The following RGL1 variants were observed in gnomAD, a reference collection of about 807,000 sequenced individuals.
The protein encoded by RGL1 is ral guanine nucleotide dissociation stimulator like 1, also known as ral guanine nucleotide dissociation stimulator-like 1.
A neutral mutation model predicts 95.2 loss-of-function variants in RGL1; 24 were observed. The ratio of observed to expected loss-of-function variants is 0.25; its 90% CI spans 0.18 to 0.35. The LOEUF (loss-of-function observed/expected upper bound fraction) is 0.35, where lower values mean the gene tolerates loss of function less well. RGL1 is among the 10% of genes least tolerant of loss of function. The probability of loss-of-function intolerance (pLI) is 1.00; values close to 1 mark genes in which losing one functional copy is unlikely to be tolerated. For missense variants in RGL1, 715 were observed against 936.3 expected (o/e 0.76, Z 3.08); for synonymous variants, 329 against 344.9 (o/e 0.95, Z 0.51).
chr1:183,854,344 T>C (rs961594310), intron 3 of RGL1, among the ~76,000 whole-genome samples: 1 of 152,192 alleles, frequency 6.6e-6, no homozygotes. Flanking sequence ...CAGCTTTTCC[T>C]GAAGGGTCAG....
chr1:183,653,133 T>C (rs968634823), intron 1 of RGL1: 7 of 147,380 alleles, frequency 4.7e-5, no homozygotes, highest in African/African-American at 1.6e-4. Context: ...TCCATTTCCT[T>C]TTTTTTCTCC....
At chr1:183,845,227 A>T (rs555217361) in intron 2 of RGL1, among the ~76,000 whole-genome samples, 1 of 152,360 alleles carries the variant, frequency 6.6e-6, no homozygotes, top group Admixed American at 6.5e-5. Context: ...GATTGTTCGC[A>T]TCACTTAGGA....
At chr1:183,815,045 G>A (rs1213637357) in intron 2 of RGL1, among the ~76,000 whole-genome samples, 2 of 152,194 alleles carry the variant, frequency 1.3e-5, no homozygotes, top group Non-Finnish European at 2.9e-5. Context: ...GTCCGGATGG[G>A]TGGATCACTT....
intron 1 of RGL1, among the ~76,000 whole-genome samples, chr1:183,670,098 C>T (rs185397458): frequency 5.3e-4 from 81 of 152,210 alleles, no homozygotes; most frequent in African/African-American, 1.8e-3. Flanking sequence ...TGAGCTTATG[C>T]CCCTGAATTG....
intron 1 of RGL1, among the ~76,000 whole-genome samples, chr1:183,658,713 T>C (rs1651378045): frequency 6.6e-6 from 1 of 152,014 alleles, no homozygotes; most frequent in Admixed American, 6.5e-5. Context: ...GCAGTGGTTC[T>C]CCCAGCACAC....
chr1:183,746,873 C>G (rs572916246), intron 2 of RGL1, among the ~76,000 whole-genome samples: 37 of 151,982 alleles, frequency 2.4e-4, no homozygotes, highest in Non-Finnish European at 4.1e-4. Context: ...TCTCATTGTT[C>G]AACTCCCACT....
At chr1:183,727,101 C>A (rs1348600892) in intron 1 of RGL1, among the ~76,000 whole-genome samples, 2 of 151,994 alleles carry the variant, frequency 1.3e-5, no homozygotes, top group African/African-American at 4.8e-5. Flanking sequence ...CATGGACCAA[C>A]AATCTTCAAC....
intron 1 of RGL1, among the ~76,000 whole-genome samples, chr1:183,637,147 A>G (rs1401389946): frequency 2.0e-5 from 3 of 152,260 alleles, no homozygotes; most frequent in Non-Finnish European, 4.4e-5. Context: ...TGCACTTTAC[A>G]AGATTGTTCT....
In RGL1 at chr1:183,806,397, AAGAGGT is replaced by A; in HGVS notation, c.56_61del (p.Val19_Glu20del). The A allele has an allele frequency of 6.2e-7, 1 of 1,613,866 alleles. No homozygotes were observed. Among genetic ancestry groups the A allele is most frequent in the Non-Finnish European group, 8.5e-7 (1 of 1,179,900 alleles). On this transcript the variant is annotated inframe_deletion, in exon 2 of 18. Coordinates refer to ENST00000360851, the MANE Select transcript of RGL1 (RefSeq NM_001297671.3). ...CAGAGCTCGATTCAGGACTGGGGTG[AAGAGGT>A]AGAGGAAGGAGCTGTTTACCATGTC...
intron 2 of RGL1, among the ~76,000 whole-genome samples, chr1:183,749,859 C>A (rs1045658869): frequency 1.3e-5 from 2 of 152,208 alleles, no homozygotes; most frequent in African/African-American, 2.4e-5. Context: ...GTTGAAAATT[C>A]TTTTCCTTAA....
intron 2 of RGL1, among the ~76,000 whole-genome samples, chr1:183,751,809 C>T (rs535845094): frequency 1.3e-5 from 2 of 152,302 alleles, no homozygotes; most frequent in African/African-American, 2.4e-5. Context: ...GGAGGGAGTT[C>T]CCTGACCCCT....
intron 1 of RGL1, among the ~76,000 whole-genome samples, chr1:183,731,872 C>T (rs544292622): frequency 1.9e-4 from 29 of 152,118 alleles, no homozygotes; most frequent in Non-Finnish European, 1.8e-4. Context: ...TCTTTCTTCT[C>T]ATACGATTGT....
intron 9 of RGL1, 95 bp downstream of exon 9, chr1:183,892,256 C>A: frequency 1.1e-6 from 1 of 880,990 alleles, no homozygotes; most frequent in Non-Finnish European, 1.7e-6. Flanking sequence ...GTTCCTTCAA[C>A]TCCAAAGAAA....
At chr1:183,904,272 G>T (rs945874147) in intron 12 of RGL1, among the ~76,000 whole-genome samples, 2 of 151,990 alleles carry the variant, frequency 1.3e-5, no homozygotes, top group African/African-American at 2.4e-5. Flanking sequence ...ATTTAGTGGC[G>T]TAGTAAAAAC....
At chr1:183,841,237 TA>T (rs1398314174) in intron 2 of RGL1, among the ~76,000 whole-genome samples, 1 of 152,228 alleles carries the variant, frequency 6.6e-6, no homozygotes, top group Non-Finnish European at 1.5e-5. Context: ...AAATACAGGA[TA>T]CACAATTACA....
chr1:183,693,137 G>A (rs1293142884), intron 1 of RGL1, among the ~76,000 whole-genome samples: 1 of 152,060 alleles, frequency 6.6e-6, no homozygotes, highest in East Asian at 1.9e-4. Context: ...TGTGTTTTTA[G>A]TAGAGACGGG....
intron 14 of RGL1, among the ~76,000 whole-genome samples, chr1:183,908,056 A>G (rs1668440009): frequency 1.3e-5 from 2 of 152,014 alleles, no homozygotes; most frequent in African/African-American, 4.8e-5. Context: ...ATACACACAT[A>G]TATATATACA....
rs894973491 is a variant in RGL1 at position 183,793,330 on chromosome 1, C to T, written c.133-13045C>T. ...AAACATAATTCCTAAGACTATAAAA[C>T]TACTAGAAATGCTTTAGGACATTAG... On this transcript the variant is annotated intron_variant, in intron 2 of 18. Coordinates refer to the RGL1 transcript ENST00000304685. 7.2e-5 allele frequency among the ~76,000 whole-genome samples: 11 copies of T among 152,006 alleles called. 1 individual carries two copies. In the South Asian group the frequency reaches 2.1e-3, roughly 29 times the overall value.
chr1:183,801,143 T>TGTGTG (rs1660963984), upstream of RGL1, among the ~76,000 whole-genome samples: 1 of 129,888 alleles, frequency 7.7e-6, no homozygotes, highest in African/African-American at 2.6e-5. Context: ...ACTTGTTATT[T>TGTGTG]TGTGTGTGTG....
Sources: allele counts gnomAD v4.1 joint callset (sites outside exome capture counted in the v4.1 genomes callset), GRCh38; gene constraint gnomAD v4.1.1; transcripts MANE v1.5; gene names NCBI Gene and HGNC (gene_info 2026-07-23, HGNC 2026-07-21).